CNBD1: variants seen among roughly 807,000 people sequenced by gnomAD.
The protein encoded by CNBD1 is cyclic nucleotide binding domain containing 1.
Under a neutral mutation model 54.4 loss-of-function variants are expected in CNBD1, and 71 were observed. The ratio of observed to expected loss-of-function variants is 1.30; its 90% CI spans 1.08 to 1.59. The LOEUF is 1.59. Ranked by LOEUF, CNBD1 falls within the 40% of genes most tolerant of loss-of-function variation. The pLI is 0.00. For missense variants in CNBD1, 659 were observed against 518.0 expected, an observed-to-expected ratio of 1.27 and a Z score of -2.64; for synonymous variants, 182 against 170.7, an observed-to-expected ratio of 1.07 and a Z score of -0.51.
chr8:87,400,399 G>A (rs1263740548), intron 2 of CNBD1, among the ~76,000 whole-genome samples: 1 of 151,900 alleles, frequency 6.6e-6, no homozygotes, highest in Non-Finnish European at 1.5e-5. Flanking sequence ...CCATTCTTGG[G>A]TAGAAAACTG....
At chr8:87,123,935 G>A (rs1305265328) in intron 4 of CNBD1, among the ~76,000 whole-genome samples, 1 of 151,590 alleles carries the variant, frequency 6.6e-6, no homozygotes, top group Non-Finnish European at 1.5e-5. Context: ...ACTGAAACCT[G>A]AAGAAATAGA....
chr8:87,193,262 T>C (rs916227139), intron 4 of CNBD1, among the ~76,000 whole-genome samples: 1 of 152,222 alleles, frequency 6.6e-6, no homozygotes, highest in Admixed American at 6.5e-5. Flanking sequence ...TAAAAGAATG[T>C]GTAAACTCAA....
At chr8:87,019,880 A>G (rs186488788) in intron 4 of CNBD1, among the ~76,000 whole-genome samples, 1 of 152,272 alleles carries the variant, frequency 6.6e-6, no homozygotes, top group East Asian at 1.9e-4. Context: ...CTCCATCTCA[A>G]AAAAAGAAAA....
intron 2 of CNBD1, among the ~76,000 whole-genome samples, chr8:86,901,814 C>G (rs897190560): frequency 2.4e-4 from 37 of 152,116 alleles, no homozygotes; most frequent in African/African-American, 8.7e-4. Flanking sequence ...TCATATTCCA[C>G]TGGGTAGAAC....
At chr8:87,253,791 C>T (rs1229285665) in intron 6 of CNBD1, among the ~76,000 whole-genome samples, 2 of 151,852 alleles carry the variant, frequency 1.3e-5, no homozygotes, top group Non-Finnish European at 2.9e-5. Context: ...GATTAGTGAC[C>T]AAAAGTGATG....
intron 3 of CNBD1, among the ~76,000 whole-genome samples, chr8:86,918,544 C>T (rs1392084723): frequency 6.6e-6 from 1 of 151,928 alleles, no homozygotes; most frequent in East Asian, 1.9e-4. Flanking sequence ...TTCCCCCATA[C>T]TGTTCTCATG....
At chr8:87,391,447 C>T (rs1373547698) in intron 2 of CNBD1, among the ~76,000 whole-genome samples, 1 of 151,866 alleles carries the variant, frequency 6.6e-6, no homozygotes, top group Non-Finnish European at 1.5e-5. Flanking sequence ...ACATACACCT[C>T]CCAATTTCAA....
At chr8:87,068,043 T>TA (rs1810689050) in intron 4 of CNBD1, among the ~76,000 whole-genome samples, 2 of 152,166 alleles carry the variant, frequency 1.3e-5, no homozygotes, top group South Asian at 4.1e-4. Context: ...ATTTTGAACA[T>TA]ACGTTAAGCA....
At chr8:87,244,633 T>A (rs969206339) in intron 6 of CNBD1, among the ~76,000 whole-genome samples, 3 of 152,126 alleles carry the variant, frequency 2.0e-5, no homozygotes, top group African/African-American at 7.2e-5. Context: ...TCATAGACAT[T>A]TAAATGGTTC....
intron 4 of CNBD1, among the ~76,000 whole-genome samples, chr8:87,110,675 T>A (rs887908076): frequency 4.6e-5 from 7 of 152,364 alleles, no homozygotes; most frequent in African/African-American, 1.4e-4. Flanking sequence ...TCAAGCATAA[T>A]TTACAAAATA....
intron 4 of CNBD1, among the ~76,000 whole-genome samples, chr8:86,996,108 A>T (rs1032088032): frequency 3.9e-5 from 6 of 152,128 alleles, no homozygotes; most frequent in African/African-American, 1.4e-4. Flanking sequence ...TATCTAAAGG[A>T]TCAGCTTCTC....
intron 4 of CNBD1, among the ~76,000 whole-genome samples, chr8:87,025,159 C>T (rs762715941): frequency 1.2e-4 from 18 of 151,860 alleles, no homozygotes; most frequent in African/African-American, 2.4e-4. Context: ...GGATTGTAAA[C>T]GCACCAATCA....
At chr8:87,377,836 A>T (rs1039211603) in intron 10 of CNBD1, among the ~76,000 whole-genome samples, 1 of 150,294 alleles carries the variant, frequency 6.7e-6, no homozygotes, top group Non-Finnish European at 1.5e-5. Context: ...CTTTTTAATG[A>T]TTGCCATTCT....
At chr8:87,187,446 A>G (rs1032728471) in intron 4 of CNBD1, among the ~76,000 whole-genome samples, 1 of 150,850 alleles carries the variant, frequency 6.6e-6, no homozygotes, top group African/African-American at 2.5e-5. Flanking sequence ...TAAAGAGGGA[A>G]TAATATATTT....
rs138730076 is a variant in CNBD1 at position 86,873,801 on chromosome 8, A to G, written c.88+7218A>G. Among the ~76,000 whole-genome samples the G allele has an allele frequency of 3.6e-4, 55 of 152,360 alleles. 1 individual carries two copies. The highest frequency in any genetic ancestry group is 1.3e-3 in the African/African-American group (53 of 41,576). On this transcript the variant is annotated intron_variant, in intron 1 of 10. Transcript: ENST00000518476. ...GAGAAATATTAAATTTAAATTTTTA[A>G]AAAGCTTTTGAAATAATCATAATCT... is the stretch of plus-strand genomic sequence containing the variant.
chr8:87,200,039 C>T (rs1024134586), intron 4 of CNBD1, among the ~76,000 whole-genome samples: 1 of 151,662 alleles, frequency 6.6e-6, no homozygotes, highest in Non-Finnish European at 1.5e-5. Flanking sequence ...TCAGTCATAT[C>T]CCAATAAAAT....
chr8:87,245,359 C>T (rs940970762), intron 6 of CNBD1, among the ~76,000 whole-genome samples: 7 of 152,044 alleles, frequency 4.6e-5, no homozygotes, highest in African/African-American at 1.2e-4. Context: ...TGTTTACCAA[C>T]GCTTTTTTAA....
At chr8:87,406,592 G>A (rs577812256) in intron 2 of CNBD1, among the ~76,000 whole-genome samples, 2 of 150,664 alleles carry the variant, frequency 1.3e-5, no homozygotes, top group Admixed American at 1.3e-4. Context: ...TGATTCTCCT[G>A]CCTCAGCTTC....
chr8:87,192,580 G>T (rs1230504888), intron 4 of CNBD1, among the ~76,000 whole-genome samples: 1 of 152,150 alleles, frequency 6.6e-6, no homozygotes, highest in Non-Finnish European at 1.5e-5. Flanking sequence ...TTAAAAAGGA[G>T]ACTGGATTAG....
Sources: allele counts gnomAD v4.1 joint callset (sites outside exome capture counted in the v4.1 genomes callset), GRCh38; gene constraint gnomAD v4.1.1; transcripts MANE v1.5; gene names NCBI Gene and HGNC (gene_info 2026-07-23, HGNC 2026-07-21).